The following DNAH6 variants were observed in gnomAD, a reference collection of about 807,000 sequenced individuals.
The protein encoded by DNAH6 is axonemal beta dynein heavy chain 6.
Under a neutral mutation model 491.4 loss-of-function variants are expected in DNAH6, and 340 were observed. That is an observed-to-expected ratio of 0.69 (90% CI 0.63 to 0.76). The LOEUF is 0.76. Ranked by LOEUF, DNAH6 falls within the 30% of genes least tolerant of loss-of-function variation. The pLI is 0.00. For missense variants in DNAH6, 4,443 were observed against 4,972.2 expected (o/e 0.89, Z 3.20); for synonymous variants, 1,603 against 1,686.1 (o/e 0.95, Z 1.21).
intron 64 of DNAH6, among the ~76,000 whole-genome samples, chr2:84,769,099 G>T (rs775727882): frequency 6.6e-6 from 1 of 152,214 alleles, no homozygotes; most frequent in Non-Finnish European, 1.5e-5. Context: ...TTGCCCTGCT[G>T]ATGCTGTACA....
intron 14 of DNAH6, among the ~76,000 whole-genome samples, chr2:84,581,785 A>G (rs1434545827): frequency 6.6e-6 from 1 of 152,242 alleles, no homozygotes; most frequent in Non-Finnish European, 1.5e-5. Context: ...AATTATAAAG[A>G]TGTTAAGTAG....
intron 43 of DNAH6, 75 bp from the exon 44 acceptor site, chr2:84,686,409 C>A: frequency 1.2e-6 from 1 of 837,596 alleles, no homozygotes; most frequent in Non-Finnish European, 1.9e-6. Flanking sequence ...AGCTATTATT[C>A]TATATGTTTT....
intron 60 of DNAH6, 91 bp downstream of exon 60, chr2:84,722,895 T>A: frequency 1.2e-6 from 1 of 812,508 alleles, no homozygotes; most frequent in Non-Finnish European, 1.8e-6. Flanking sequence ...GCCATAAGTC[T>A]AGTTATCAGG....
At chr2:84,757,913 C>A (rs1181789940) in intron 63 of DNAH6, among the ~76,000 whole-genome samples, 1 of 152,212 alleles carries the variant, frequency 6.6e-6, no homozygotes, top group Non-Finnish European at 1.5e-5. Context: ...ATGGCTTTAA[C>A]TGATGCATCT....
intron 64 of DNAH6, chr2:84,778,071 C>T (rs760651580): frequency 7.5e-5 from 71 of 940,648 alleles, no homozygotes; most frequent in Admixed American, 1.9e-4. Context: ...ATCATCTCTC[C>T]CTTCAGTTTA....
chr2:84,570,542 G>A (rs560919141), intron 11 of DNAH6, among the ~76,000 whole-genome samples: 11 of 151,956 alleles, frequency 7.2e-5, no homozygotes, highest in Admixed American at 2.6e-4. Context: ...CTGTGAAAAT[G>A]CACCAATCAG....
At position 84,599,561 on chromosome 2, in the gene DNAH6, C is replaced by G. The variant is rs558903010; in HGVS notation, c.2868+3772C>G. Among the ~76,000 whole-genome samples, 3 of 152,248 alleles carry G rather than the reference C, an allele frequency of 2.0e-5. No individual in the cohort carries two copies. In the South Asian group the frequency reaches 6.2e-4, roughly 32 times the overall value. On this transcript the variant is annotated intron_variant, in intron 18 of 76. Coordinates refer to ENST00000389394, the MANE Select transcript of DNAH6 (RefSeq NM_001370.2). ...TACATATTATATCCAATTAAAGGAA[C>G]AGCATTATTTGAAATGATTATTTTT...
intron 30 of DNAH6, among the ~76,000 whole-genome samples, chr2:84,635,747 G>C (rs998072197): frequency 2.6e-5 from 4 of 152,134 alleles, no homozygotes; most frequent in Non-Finnish European, 4.4e-5. Flanking sequence ...GGGGTATACT[G>C]TTTAGAATAG....
At chr2:84,503,244 TAAAC>T in the DNAH6 span, among the ~76,000 whole-genome samples, 7 of 152,252 alleles carry the variant, frequency 4.6e-5, no homozygotes, top group East Asian at 1.9e-4. Context: ...ACTGTTTGCA[TAAAC>T]AAACAAAGGA....
At chr2:84,721,485 G>C (rs1698151267) in intron 59 of DNAH6, among the ~76,000 whole-genome samples, 2 of 152,128 alleles carry the variant, frequency 1.3e-5, no homozygotes, top group Admixed American at 6.5e-5. Context: ...ATGGTAGGTA[G>C]CCACTAGCCA....
At chr2:84,551,926 T>A (rs1242968653) in intron 9 of DNAH6, among the ~76,000 whole-genome samples, 1 of 151,824 alleles carries the variant, frequency 6.6e-6, no homozygotes, top group Non-Finnish European at 1.5e-5. Context: ...TGGGTGCCTA[T>A]AATCCCAGCT....
intron 11 of DNAH6, among the ~76,000 whole-genome samples, chr2:84,559,826 C>G (rs1434553710): frequency 6.6e-6 from 1 of 151,774 alleles, no homozygotes. Flanking sequence ...ATTAAAAATA[C>G]AAATGGAAAA....
intron 61 of DNAH6, among the ~76,000 whole-genome samples, chr2:84,728,309 C>T (rs1365135432): frequency 6.6e-6 from 1 of 152,172 alleles, no homozygotes; most frequent in Non-Finnish European, 1.5e-5. Context: ...ATACTATGAT[C>T]GTTATTCTAG....
At chr2:84,694,576 G>A in intron 46 of DNAH6, 96 bp downstream of exon 46, 2 of 836,314 alleles carry the variant, frequency 2.4e-6, no homozygotes, top group Non-Finnish European at 3.8e-6. Flanking sequence ...AAGTTCAAGG[G>A]GATTGTTCCC....
the DNAH6 span, among the ~76,000 whole-genome samples, chr2:84,475,369 A>G: frequency 4.6e-5 from 7 of 152,320 alleles, no homozygotes; most frequent in South Asian, 1.2e-3. Context: ...CCCATTTCCC[A>G]AAAGCAGTCC....
In DNAH6 at chr2:84,670,450, G is replaced by A; in HGVS notation, c.6429G>A (p.Leu2143=). ...CACAAGAGATCATTGAGTCAAAACT[G>A]GAGAGAAAAAGAAAAAATATTCTAG... ...ARTQEIIESK[L]ERKRKNILGA... The change falls in exon 39 of 77, where the codon CTG becomes CTA. Residue 2143 remains leucine, a synonymous_variant. Coordinates refer to ENST00000389394, the MANE Select transcript of DNAH6 (RefSeq NM_001370.2). 6.5e-7 allele frequency: 1 copy of A among 1,532,152 alleles called. No individual in the cohort carries two copies. The highest frequency in any genetic ancestry group is 2.2e-5 in the Admixed American group (1 of 46,208). The allele number at this position is 1,532,152 out of a possible 1,614,324, so 94.9% of individuals were successfully genotyped here. A position where few individuals can be genotyped will look rare whatever the true frequency, so the allele number is the denominator to read the frequency against.
chr2:84,512,395 C>G (rs1675370340), upstream of DNAH6, among the ~76,000 whole-genome samples: 1 of 152,144 alleles, frequency 6.6e-6, no homozygotes, highest in South Asian at 2.1e-4. Context: ...TTATAACAAG[C>G]CTTCTCAATA....
At chr2:84,470,414 G>A in the DNAH6 span, among the ~76,000 whole-genome samples, 1 of 152,330 alleles carries the variant, frequency 6.6e-6, no homozygotes, top group African/African-American at 2.4e-5. Flanking sequence ...AGAGCTGCTG[G>A]TTGCCCATTT....
intron 70 of DNAH6, among the ~76,000 whole-genome samples, chr2:84,802,934 A>G (rs761913512): frequency 6.6e-5 from 10 of 152,222 alleles, no homozygotes; most frequent in Non-Finnish European, 1.3e-4. Flanking sequence ...ATGCATGGAA[A>G]CTAAACAACT....
Sources: gnomAD v4.1 joint callset for allele counts (sites outside exome capture counted in the v4.1 genomes callset) on GRCh38, gnomAD v4.1.1 for gene constraint, MANE v1.5 for transcripts, NCBI Gene and HGNC (gene_info 2026-07-23, HGNC 2026-07-21) for gene names.